Variants in SYNPR observed in about 807,000 individuals in gnomAD.
SYNPR encodes synaptoporin.
SYNPR carries 23 observed loss-of-function variants against 32.9 expected under a neutral mutation model. The ratio of observed to expected loss-of-function variants is 0.70; its 90% CI spans 0.50 to 0.99. The LOEUF (loss-of-function observed/expected upper bound fraction) is 0.99. Among genes scored for constraint, SYNPR ranks in the 50% least tolerant of loss-of-function variants. The pLI is 0.00. For missense variants in SYNPR, 318 were observed against 349.3 expected (o/e 0.91, Z 0.71); for synonymous variants, 146 against 135.9 (o/e 1.07, Z -0.52).
intron 2 of SYNPR, among the ~76,000 whole-genome samples, chr3:63,311,857 A>G (rs916958511): frequency 6.6e-6 from 1 of 152,040 alleles, no homozygotes; most frequent in Non-Finnish European, 1.5e-5. Context: ...TACCCTATTG[A>G]ACTCAGCAAA....
chr3:63,285,384 G>C (rs1326792758), intron 2 of SYNPR, among the ~76,000 whole-genome samples: 2 of 149,426 alleles, frequency 1.3e-5, no homozygotes, highest in Admixed American at 1.3e-4. Flanking sequence ...GTTAAAAAAA[G>C]TGTGCATAAG....
At chr3:63,614,684 A>G (rs902671983) in intron 5 of SYNPR, among the ~76,000 whole-genome samples, 1 of 152,208 alleles carries the variant, frequency 6.6e-6, no homozygotes, top group Non-Finnish European at 1.5e-5. Context: ...CTTTCTTTAT[A>G]TGATTACAAC....
At chr3:63,380,295 G>C (rs2087949216) in intron 2 of SYNPR, among the ~76,000 whole-genome samples, 2 of 152,138 alleles carry the variant, frequency 1.3e-5, no homozygotes. Context: ...CTAGTTTACA[G>C]TCCCACCAAC....
At chr3:63,453,101 T>A (rs1252191241) in intron 2 of SYNPR, among the ~76,000 whole-genome samples, 1 of 152,128 alleles carries the variant, frequency 6.6e-6, no homozygotes, top group African/African-American at 2.4e-5. Context: ...AGTATTGGAA[T>A]CTACGTTTTA....
chr3:63,255,742 C>G (rs576555589), intron 2 of SYNPR, among the ~76,000 whole-genome samples: 1 of 152,110 alleles, frequency 6.6e-6, no homozygotes, highest in Non-Finnish European at 1.5e-5. Flanking sequence ...AAGTGTCAGA[C>G]AGTGGGTGAA....
intron 5 of SYNPR, 126 bp downstream of exon 5, chr3:63,609,442 A>C (rs1700168651): frequency 1.4e-6 from 1 of 737,158 alleles, no homozygotes. Context: ...AAAAGGTGAG[A>C]TACTTCACCT....
the SYNPR span, among the ~76,000 whole-genome samples, chr3:63,203,060 A>ATATGTATGTGTG: frequency 5.0e-5 from 3 of 60,570 alleles, no homozygotes; most frequent in African/African-American, 2.1e-4. Flanking sequence ...ACATATATAT[A>ATATGTATGTGTG]TGTATGTGTA....
rs372510644 is a variant in SYNPR at position 63,457,966 on chromosome 3, C to G, written c.85-22866C>G. On this transcript the variant is annotated intron_variant, in intron 2 of 5. Transcript: ENST00000478300. ...CTTGAAATGATAGAATTTTCTAACC[C>G]TCTTCTTTTGAATTAATCTCTTTCC... Among the ~76,000 whole-genome samples the G allele has an allele frequency of 1.8e-4, 28 of 152,222 alleles. No homozygotes were observed. The East Asian group carries it at 2.7e-3, about 15-fold the overall frequency.
intron 1 of SYNPR, among the ~76,000 whole-genome samples, chr3:63,246,176 T>A (rs1319315336): frequency 6.6e-6 from 1 of 152,026 alleles, no homozygotes; most frequent in African/African-American, 2.4e-5. Context: ...AAAAAATGTA[T>A]CCCCTTGCAT....
chr3:63,328,389 A>G (rs1387594162), intron 2 of SYNPR, among the ~76,000 whole-genome samples: 3 of 152,158 alleles, frequency 2.0e-5, no homozygotes, highest in African/African-American at 7.2e-5. Context: ...TCCATTTCAT[A>G]TCAAATGAGA....
intron 2 of SYNPR, among the ~76,000 whole-genome samples, chr3:63,438,414 G>C (rs569481432): frequency 6.6e-6 from 1 of 152,028 alleles, no homozygotes; most frequent in East Asian, 1.9e-4. Flanking sequence ...GGCTGGTCTC[G>C]AACTCCCGGC....
At chr3:63,449,019 T>C (rs1447819024) in intron 2 of SYNPR, among the ~76,000 whole-genome samples, 1 of 152,166 alleles carries the variant, frequency 6.6e-6, no homozygotes, top group Non-Finnish European at 1.5e-5. Context: ...GATTTTGTAG[T>C]GTGTGTGTCT....
At chr3:63,298,403 C>T (rs999003764) in intron 2 of SYNPR, among the ~76,000 whole-genome samples, 5 of 151,916 alleles carry the variant, frequency 3.3e-5, no homozygotes, top group Non-Finnish European at 7.4e-5. Context: ...TTAAAAGCAC[C>T]GATGAGGGTA....
chr3:63,445,004 C>A (rs1387056556), intron 2 of SYNPR, among the ~76,000 whole-genome samples: 1 of 151,610 alleles, frequency 6.6e-6, no homozygotes, highest in Non-Finnish European at 1.5e-5. Flanking sequence ...GGGCTGTTGC[C>A]AATTACTGCT....
At chr3:63,578,201 G>A (rs567674202) in intron 4 of SYNPR, among the ~76,000 whole-genome samples, 8 of 152,254 alleles carry the variant, frequency 5.3e-5, no homozygotes, top group South Asian at 2.1e-4. Flanking sequence ...GATTACCAGC[G>A]TAGGTCCTGG....
At chr3:63,374,317 G>C (rs2087856475) in intron 2 of SYNPR, among the ~76,000 whole-genome samples, 1 of 151,848 alleles carries the variant, frequency 6.6e-6, no homozygotes, top group Non-Finnish European at 1.5e-5. Flanking sequence ...TTTGTTTTTA[G>C]TCCTGTTTAT....
At chr3:63,205,746 C>T in the SYNPR span, among the ~76,000 whole-genome samples, 116 of 152,280 alleles carry the variant, frequency 7.6e-4, no homozygotes, top group African/African-American at 2.5e-3. Context: ...ATAACCTGTA[C>T]GCACGATAGC....
Position 63,466,724 on chromosome 3 carries a change from C to T in SYNPR, c.85-14108C>T, listed in dbSNP as rs146111290. Among the ~76,000 whole-genome samples the T allele has an allele frequency of 2.7e-5, 4 of 148,364 alleles. No homozygotes were observed. In the East Asian group the frequency reaches 1.0e-3, roughly 38 times the overall value. ...TGGCAAGCTGAAGGTGCTAAGGCCT[C>T]TTCTCTCAGCCTGTGGAGAGGGACA... On this transcript the variant is annotated intron_variant, in intron 2 of 5. Transcript: ENST00000478300.
chr3:63,290,792 T>G (rs1575587962), intron 2 of SYNPR, among the ~76,000 whole-genome samples: 1 of 152,170 alleles, frequency 6.6e-6, no homozygotes, highest in African/African-American at 2.4e-5. Context: ...TGAGTCGTCA[T>G]TCTTTGGATC....
Sources: allele counts gnomAD v4.1 joint callset (sites outside exome capture counted in the v4.1 genomes callset), GRCh38; gene constraint gnomAD v4.1.1; transcripts MANE v1.5; gene names NCBI Gene and HGNC (gene_info 2026-07-23, HGNC 2026-07-21).